The following GIGYF2 variants were observed in gnomAD, a reference collection of about 807,000 sequenced individuals.
GIGYF2 encodes the protein GRB10 interacting GYF protein 2.
A neutral mutation model predicts 208.1 loss-of-function variants in GIGYF2; 25 were observed. The observed-to-expected ratio is 0.12, with a 90% CI of 0.09 to 0.17. The LOEUF (loss-of-function observed/expected upper bound fraction) is 0.17, where lower values mean the gene tolerates loss of function less well. Ranked by LOEUF, GIGYF2 falls within the 10% of genes least tolerant of loss-of-function variation. GIGYF2 has a pLI of 1.00. For missense variants in GIGYF2, 1,302 were observed against 1,579.4 expected (o/e 0.82, Z 2.98); for synonymous variants, 534 against 543.8 (o/e 0.98, Z 0.25).
rs553127272 is a variant in GIGYF2, at chr2:232,847,304, A to G, written c.3461-44A>G. On this transcript the variant is annotated intron_variant, in intron 26 of 28. Coordinates refer to ENST00000373563, the MANE Select transcript of GIGYF2 (RefSeq NM_001103146.3). ...AACTGATTTTTGTAAGTTCTCTTTC[A>G]TTATTTCATTGTTACCCTTATCTTC... The G allele has an allele frequency of 9.4e-6, 15 of 1,598,326 alleles. No homozygotes were observed. In the South Asian group the frequency reaches 1.4e-4, roughly 15 times the overall value.
chr2:232,796,086 C>T lies in GIGYF2; in HGVS notation c.1504C>T (p.Leu502Phe). 3.1e-6 allele frequency: 5 copies of T among 1,612,010 alleles called. No homozygotes were observed. The highest frequency in any genetic ancestry group is 4.2e-6 in the Non-Finnish European group (5 of 1,178,144). ...GCAAGCTGAGAAAATGGTGGCTTATCTCCAAGACAGTGCACTAGATGATGA... is the reference window on the plus strand; with the variant it reads ...GCAAGCTGAGAAAATGGTGGCTTATTTCCAAGACAGTGCACTAGATGATGA... ...EQQAEKMVAYLQDSALDDERL... is the reference protein window; with the variant it reads ...EQQAEKMVAYFQDSALDDERL... Residue 502 changes from leucine to phenylalanine, a missense_variant, in exon 14 of 29, where the codon CTC (leucine) becomes TTC (phenylalanine). Transcript: ENST00000373563.
intron 3 of GIGYF2, among the ~76,000 whole-genome samples, chr2:232,739,493 T>C (rs891124357): frequency 6.7e-6 from 1 of 148,580 alleles, no homozygotes; most frequent in Non-Finnish European, 1.5e-5. Flanking sequence ...GGCAACACAG[T>C]GAGATCCTCT....
chr2:232,821,487 C>G (rs903613645), intron 21 of GIGYF2, among the ~76,000 whole-genome samples: 6 of 152,342 alleles, frequency 3.9e-5, no homozygotes, highest in Admixed American at 3.9e-4. Flanking sequence ...CATGAGCCAC[C>G]GCGCCTGGCC....
chr2:232,779,437 A>G (rs1437806365), intron 8 of GIGYF2, among the ~76,000 whole-genome samples: 18 of 152,196 alleles, frequency 1.2e-4, no homozygotes, highest in Admixed American at 1.2e-3. Flanking sequence ...GAACAGTAAA[A>G]TCTTCAGTTG....
intron 3 of GIGYF2, among the ~76,000 whole-genome samples, chr2:232,742,473 G>T (rs1272999333): frequency 1.3e-5 from 2 of 152,108 alleles, no homozygotes; most frequent in African/African-American, 4.8e-5. Context: ...CCTGGGAGGT[G>T]GAGGTTGCAG....
intron 8 of GIGYF2, among the ~76,000 whole-genome samples, chr2:232,762,124 G>A (rs1698762953): frequency 6.6e-6 from 1 of 151,176 alleles, no homozygotes; most frequent in African/African-American, 2.4e-5. Flanking sequence ...CCAATTCATG[G>A]TACCATGAAT....
At chr2:232,811,037 G>A (rs1700719029) in intron 16 of GIGYF2, 3 of 512,214 alleles carry the variant, frequency 5.9e-6, no homozygotes, top group Middle Eastern at 5.5e-4. Context: ...TCGGAAACAC[G>A]CCATCTATGA....
intron 2 of GIGYF2, among the ~76,000 whole-genome samples, chr2:232,726,639 C>G (rs1697215785): frequency 6.6e-6 from 1 of 151,638 alleles, no homozygotes; most frequent in African/African-American, 2.4e-5. Context: ...TTAAATAGGT[C>G]CTATAGCTTT....
In GIGYF2 at chr2:232,847,509, CAGCTGCCACA is replaced by C. The variant is rs781416876; in HGVS notation, c.3623_3632del (p.Gln1208ArgfsTer24). 1 of 1,381,142 alleles carries C rather than the reference CAGCTGCCACA, an allele frequency of 7.2e-7. No homozygotes were observed. Among genetic ancestry groups the C allele is most frequent in the Non-Finnish European group, 9.9e-7 (1 of 1,005,980 alleles). The allele number at this position is 1,381,142 out of a possible 1,614,324, so 85.6% of individuals were successfully genotyped here. A position where few individuals can be genotyped will look rare whatever the true frequency, so the allele number is the denominator to read the frequency against. Reference sequence around the variant, plus strand: ...AGCCAACCAGCAGCGTCAGCAGCAGCAGCTGCCACAGCAGCAGCAGCAGCAGCCGCCACAG... The same window carrying C: ...AGCCAACCAGCAGCGTCAGCAGCAGCGCAGCAGCAGCAGCAGCCGCCACAG... On this transcript the variant is annotated frameshift_variant, in exon 27 of 29. Transcript: ENST00000373563. LOFTEE classifies it high-confidence loss of function.
Position 232,791,060 on chromosome 2 carries a change from T to C in GIGYF2, c.983T>C (p.Val328Ala), listed in dbSNP as rs1348513014. Residue 328 changes from valine to alanine, a missense_variant, in exon 11 of 29, where the codon GTG (valine) becomes GCG (alanine). Around this residue, in one of 8 missense-constraint regions of GIGYF2, gnomAD observed 235 missense variants for 218.8 expected, o/e 1.07. Coordinates refer to ENST00000373563, the MANE Select transcript of GIGYF2 (RefSeq NM_001103146.3). ...PEEQEMDFRPVDEGEECSDSE... is the reference protein window; with the variant it reads ...PEEQEMDFRPADEGEECSDSE... ...GAGCAGGAGATGGACTTCCGGCCTG[T>C]GGACGAAGGGGAGGAGTGCTCTGAC... 6.2e-7 allele frequency: 1 copy of C among 1,614,000 alleles called. No homozygotes were observed. Among genetic ancestry groups the C allele is most frequent in the African/African-American group, 1.3e-5 (1 of 75,000 alleles).
intron 2 of GIGYF2, among the ~76,000 whole-genome samples, chr2:232,715,031 G>A (rs770634696): frequency 6.6e-6 from 1 of 152,042 alleles, no homozygotes; most frequent in Non-Finnish European, 1.5e-5. Context: ...GAGAACATGC[G>A]GTATTTGGTT....
At chr2:232,740,605 C>A (rs1365475435) in intron 3 of GIGYF2, among the ~76,000 whole-genome samples, 3 of 152,180 alleles carry the variant, frequency 2.0e-5, no homozygotes, top group Non-Finnish European at 4.4e-5. Flanking sequence ...AAGAAATGCA[C>A]TGTATTTCTC....
At chr2:232,793,604 G>T (rs1238190740) in intron 12 of GIGYF2, among the ~76,000 whole-genome samples, 1 of 152,162 alleles carries the variant, frequency 6.6e-6, no homozygotes, top group African/African-American at 2.4e-5. Flanking sequence ...GATGGCGAGA[G>T]AGCAGTTGTG....
chr2:232,819,732 G>T, intron 20 of GIGYF2, 95 bp from the exon 21 acceptor site: 1 of 736,386 alleles, frequency 1.4e-6, no homozygotes, highest in South Asian at 1.5e-5. Flanking sequence ...AGTCTTAGCA[G>T]CAGATAGCCT....
At chr2:232,842,971 T>G (rs1701864661) in intron 23 of GIGYF2, 1 of 152,270 alleles carries the variant, frequency 6.6e-6, no homozygotes, top group Admixed American at 6.5e-5. Flanking sequence ...TTTGAGAGAC[T>G]CAGCACCTCC....
In GIGYF2 at chr2:232,796,241, T is replaced by C; in HGVS notation, c.1639+20T>C. 2 of 1,484,422 alleles carry C rather than the reference T, an allele frequency of 1.3e-6. No homozygotes were observed. The highest frequency in any genetic ancestry group is 1.9e-6 in the Non-Finnish European group (2 of 1,061,426). The allele number at this position is 1,484,422 out of a possible 1,614,324, so 92.0% of individuals were successfully genotyped here. A position where few individuals can be genotyped will look rare whatever the true frequency, so the allele number is the denominator to read the frequency against. ...TTCAAGGCAAGTTGTTCCTTTTTCC[T>C]TTAAATACTGAAGTGTGTGCCATTA... On this transcript the variant is annotated intron_variant, in intron 14 of 28. Transcript: ENST00000373563.
intron 5 of GIGYF2, among the ~76,000 whole-genome samples, chr2:232,753,097 G>GCATT: frequency 1.4e-5 from 2 of 143,392 alleles, no homozygotes; most frequent in South Asian, 4.5e-4. Context: ...ACACTTGACA[G>GCATT]TATTTATTTA....
Position 232,786,300 on chromosome 2 carries a change from C to T in GIGYF2, c.533-850C>T, listed in dbSNP as rs137969400. ...TCACCCAGGCTGGAGTACAGTGTCG[C>T]GATCTCTGCTTACCGCGACCTCCGC... On this transcript the variant is annotated intron_variant, in intron 8 of 28. Transcript: ENST00000373563. Among the ~76,000 whole-genome samples, 417 of 152,126 alleles carry T rather than the reference C, an allele frequency of 2.7e-3. 2 individuals are homozygous for T. Among genetic ancestry groups the T allele is most frequent in the Non-Finnish European group, 4.6e-3 (316 of 67,992 alleles).
At chr2:232,770,167 C>A (rs1699174310) in intron 8 of GIGYF2, among the ~76,000 whole-genome samples, 3 of 152,324 alleles carry the variant, frequency 2.0e-5, no homozygotes, top group African/African-American at 7.2e-5. Flanking sequence ...ACTGGGATTT[C>A]ATTCCAGATC....
Sources: allele counts gnomAD v4.1 joint callset (sites outside exome capture counted in the v4.1 genomes callset), GRCh38; gene constraint gnomAD v4.1.1; regional missense constraint gnomAD v4.1.1; transcripts MANE v1.5; gene names NCBI Gene and HGNC (gene_info 2026-07-23, HGNC 2026-07-21).